The following QSOX2 variants were observed in gnomAD, a reference collection of about 807,000 sequenced individuals.
The protein encoded by QSOX2 is quiescin sulfhydryl oxidase 2.
A neutral mutation model predicts 61.7 loss-of-function variants in QSOX2; 46 were observed. The ratio of observed to expected loss-of-function variants is 0.75; its 90% confidence interval spans 0.59 to 0.95. QSOX2 has a LOEUF of 0.95. QSOX2 is among the 40% of genes least tolerant of loss of function. The pLI is 0.00. For missense variants in QSOX2, 879 were observed against 918.9 expected (o/e 0.96, Z 0.56); for synonymous variants, 383 against 388.4 (o/e 0.99, Z 0.16).
chr9:136,218,533 GT>G, intron 8 of QSOX2, 145 bp downstream of exon 8: 1 of 954,582 alleles, frequency 1.0e-6, no homozygotes, highest in Non-Finnish European at 1.5e-6. Context: ...GGTGGAATGA[GT>G]TGGGGCGTGG....
chr9:136,222,765 C>T lies in QSOX2; in HGVS notation c.676-824G>A, dbSNP rs1366781305. The stretch of plus-strand genomic sequence containing the variant: ...TAGGGGAGCGTGCCCGGCACCAAGA[C>T]GGTCCCACACCCGCCTCTTCTCAGG... On this transcript the variant is annotated intron_variant, in intron 5 of 11. Coordinates refer to ENST00000358701, the MANE Select transcript of QSOX2 (RefSeq NM_181701.4). This position sits in a 1 kb window ranked among gnomAD's most constrained non-coding sequence, Gnocchi z 6.9. Among the ~76,000 whole-genome samples, 7 of 152,200 alleles carry T rather than the reference C, an allele frequency of 4.6e-5. No homozygotes were observed. The highest frequency in any genetic ancestry group is 3.9e-4 in the East Asian group (2 of 5,194).
At position 136,211,417 on chromosome 9, in the gene QSOX2, T is replaced by C. The variant is rs116326444; in HGVS notation, c.1396A>G (p.Met466Val). 508 of 1,614,126 alleles carry C rather than the reference T, an allele frequency of 3.1e-4. 3 individuals are homozygous for C. In the African/African-American group the frequency reaches 6.2e-3, roughly 20 times the overall value. Residue 466 changes from methionine to valine, a missense_variant, in exon 11 of 12, where the codon ATG (methionine) becomes GTG (valine). Transcript: ENST00000358701. ...EDDPQAVLQT[M>V]RRYVHTFFGC... Reference sequence around the variant, plus strand: ...AAGAAGGTGTGAACGTACCTCCTCATTGTCTGCAGCACAGCCTGGGGGTCG... The same window carrying C: ...AAGAAGGTGTGAACGTACCTCCTCACTGTCTGCAGCACAGCCTGGGGGTCG...
chr9:136,232,108 A>AACAAAACCAGTTTT (rs1470237897), intron 1 of QSOX2, among the ~76,000 whole-genome samples: 24 of 152,248 alleles, frequency 1.6e-4, no homozygotes, highest in African/African-American at 5.5e-4. Context: ...AAGGACACAT[A>AACAAAACCAGTTTT]ACAAAACCAG....
At chr9:136,213,172 C>T (rs913622812) in intron 10 of QSOX2, among the ~76,000 whole-genome samples, 3 of 151,946 alleles carry the variant, frequency 2.0e-5, no homozygotes, top group Admixed American at 6.6e-5. Flanking sequence ...CTCATCTCCT[C>T]ACCAGAACTT....
chr9:136,245,460 C>CG lies in QSOX2; in HGVS notation c.328+15dup. On this transcript the variant is annotated intron_variant, in intron 1 of 11. Coordinates refer to ENST00000358701, the MANE Select transcript of QSOX2 (RefSeq NM_181701.4). ...TCCCGGGGGTCGGGGGGTCCCCGCG[C>CG]GGGGGCGCGCCTCACCTCGCACATC... 6.3e-7 allele frequency: 1 copy of CG among 1,577,454 alleles called. No individual in the cohort carries two copies. Among genetic ancestry groups the CG allele is most frequent in the Admixed American group, 1.7e-5 (1 of 58,008 alleles).
At position 136,220,510 on chromosome 9, in the gene QSOX2, G is replaced by A. The variant is rs193103552; in HGVS notation, c.821+1286C>T. Among the ~76,000 whole-genome samples, 21 of 152,298 alleles carry A rather than the reference G, an allele frequency of 1.4e-4. No homozygotes were observed. The East Asian group carries it at 2.5e-3, about 18-fold the overall frequency. On this transcript the variant is annotated intron_variant, in intron 6 of 11. Transcript: ENST00000358701. ...CCGGCGTGGTGAGTCACCAAGAGCC[G>A]CAGAGTCAACCGTGGCTAAACCAGC...
Position 136,223,865 on chromosome 9 carries a change from A to T in QSOX2, c.585-12T>A. On this transcript the variant is annotated splice_polypyrimidine_tract_variant and intron_variant, in intron 4 of 11. Transcript: ENST00000358701. The surrounding 1 kb of genome is among the most constrained non-coding windows in gnomAD (Gnocchi z 4.4). ...GAACATCACTGGGCCTTTCAAGAGGAAAAAAAGAGGCTTTTAGTGCCGTCA... is the reference window on the plus strand; with the variant it reads ...GAACATCACTGGGCCTTTCAAGAGGTAAAAAAGAGGCTTTTAGTGCCGTCA... The T allele has an allele frequency of 6.2e-7, 1 of 1,613,212 alleles. No homozygotes were observed. The highest frequency in any genetic ancestry group is 8.5e-7 in the Non-Finnish European group (1 of 1,179,348).
chr9:136,224,743 T>A, intron 3 of QSOX2, 118 bp downstream of exon 3: 1 of 547,906 alleles, frequency 1.8e-6, no homozygotes. Context: ...GGCAGGAAGG[T>A]CAGCAGAGGG....
chr9:136,229,024 C>G (rs1830307274), intron 1 of QSOX2, among the ~76,000 whole-genome samples: 1 of 152,186 alleles, frequency 6.6e-6, no homozygotes, highest in South Asian at 2.1e-4. Context: ...GTTCAGATTG[C>G]TATTTTTCTA....
chr9:136,227,519 A>G (rs1830293195), intron 1 of QSOX2, among the ~76,000 whole-genome samples: 1 of 152,262 alleles, frequency 6.6e-6, no homozygotes. Context: ...AAATAGAGAT[A>G]AAAATGTAAC....
chr9:136,231,848 G>A (rs991346897), intron 1 of QSOX2, among the ~76,000 whole-genome samples: 1 of 151,984 alleles, frequency 6.6e-6, no homozygotes, highest in Non-Finnish European at 1.5e-5. Flanking sequence ...CCGAGAGAGG[G>A]AGAGCGAGCC....
chr9:136,221,770 T>G lies in QSOX2; in HGVS notation c.821+26A>C. 1 of 1,559,948 alleles carries G rather than the reference T, an allele frequency of 6.4e-7. No homozygotes were observed. Among genetic ancestry groups the G allele is most frequent in the Admixed American group, 1.9e-5 (1 of 53,956 alleles). On this transcript the variant is annotated intron_variant, in intron 6 of 11. Transcript: ENST00000358701. The surrounding 1 kb of genome is among the most constrained non-coding windows in gnomAD (Gnocchi z 4.5). ...TCCGGTAACTCCGAGCGGCACGGAG[T>G]TCCCAGACCCCACCCGGGCACTCAC...
At chr9:136,213,045 GTCAC>G (rs1831866986) in intron 10 of QSOX2, among the ~76,000 whole-genome samples, 1 of 151,968 alleles carries the variant, frequency 6.6e-6, no homozygotes, top group African/African-American at 2.4e-5. Flanking sequence ...AAATACCCCG[GTCAC>G]TCAACTTCTC....
chr9:136,225,846 C>T (rs1285845451), intron 2 of QSOX2, among the ~76,000 whole-genome samples: 1 of 152,210 alleles, frequency 6.6e-6, no homozygotes, highest in Non-Finnish European at 1.5e-5. Flanking sequence ...AAAGAGGGCC[C>T]GAAAGTTTAC....
chr9:136,229,848 C>T (rs1305170335), intron 1 of QSOX2, among the ~76,000 whole-genome samples: 10 of 152,194 alleles, frequency 6.6e-5, no homozygotes, highest in Admixed American at 6.5e-4. Flanking sequence ...TGCATGTTTC[C>T]TAGTTTCTAT....
At chr9:136,227,732 T>C (rs771005810) in intron 1 of QSOX2, among the ~76,000 whole-genome samples, 24 of 152,232 alleles carry the variant, frequency 1.6e-4, no homozygotes, top group African/African-American at 5.5e-4. Context: ...CCCAGCACTT[T>C]GGGAGGCCGA....
intron 11 of QSOX2, chr9:136,210,330 C>T: frequency 1.0e-6 from 1 of 985,484 alleles, no homozygotes. Context: ...TCACACTGGG[C>T]TGTAAGGCCC....
At chr9:136,216,459 G>A in intron 9 of QSOX2, 141 bp downstream of exon 9, 1 of 1,162,940 alleles carries the variant, frequency 8.6e-7, no homozygotes, top group Non-Finnish European at 1.2e-6. Context: ...CCATGATGCT[G>A]TCGTGGAGAC....
At position 136,222,133 on chromosome 9, in the gene QSOX2, G is replaced by A. The variant is rs759173183; in HGVS notation, c.676-192C>T. Among the ~76,000 whole-genome samples the A allele has an allele frequency of 3.3e-5, 5 of 152,216 alleles. No individual in the cohort carries two copies. The highest frequency in any genetic ancestry group is 5.9e-5 in the Non-Finnish European group (4 of 68,040). On this transcript the variant is annotated intron_variant, in intron 5 of 11. Transcript: ENST00000358701. This position sits in a 1 kb window ranked among gnomAD's most constrained non-coding sequence, Gnocchi z 6.9. ...GCAACTGACGGCACACACGCCATGAGCAGAAACCACGGTCTTATTCGGCAA... is the reference window on the plus strand; with the variant it reads ...GCAACTGACGGCACACACGCCATGAACAGAAACCACGGTCTTATTCGGCAA...
Sources: gnomAD v4.1 joint callset for allele counts (sites outside exome capture counted in the v4.1 genomes callset) on GRCh38, gnomAD v4.1.1 for gene constraint, Gnocchi (gnomAD v3.1) non-coding constraint, MANE v1.5 for transcripts, NCBI Gene and HGNC (gene_info 2026-07-23, HGNC 2026-07-21) for gene names.